Variants in RELCH observed in about 807,000 individuals in gnomAD.
The protein encoded by RELCH is RAB11 binding and LisH domain, coiled-coil and HEAT repeat containing.
RELCH carries 41 observed loss-of-function variants against 150.3 expected under a neutral mutation model. That is an observed-to-expected ratio of 0.27 (90% confidence interval 0.21 to 0.35). The LOEUF (loss-of-function observed/expected upper bound fraction) is 0.35, where lower values mean the gene tolerates loss of function less well. RELCH is among the 10% of genes least tolerant of loss of function. The pLI is 1.00. For synonymous variants in RELCH, 478 were observed against 531.8 expected (o/e 0.90, Z 1.39); for missense variants, 1,092 against 1,467.8 (o/e 0.74, Z 4.18).
chr18:62,264,105 A>G lies in RELCH; in HGVS notation c.2467A>G (p.Thr823Ala). The G allele has an allele frequency of 6.2e-7, 1 of 1,603,908 alleles. No homozygotes were observed. The highest frequency in any genetic ancestry group is 1.7e-5 in the Admixed American group (1 of 57,754). ...LYDYQLEQEG[T>A]TGWESLLWVV... Reference sequence around the variant, plus strand: ...TGACTACCAGCTAGAACAAGAGGGTACAACAGGCTGGGAGAGTTTACTGTG... The same window carrying G: ...TGACTACCAGCTAGAACAAGAGGGTGCAACAGGCTGGGAGAGTTTACTGTG... Residue 823 changes from threonine (T) to alanine (A), a missense_variant, in exon 17 of 29, where the codon ACA becomes GCA. Physicochemically the swap from Thr to Ala is moderately conservative, Grantham distance 58 (BLOSUM62 0). Around this residue, in one of 4 missense-constraint regions of RELCH, gnomAD observed 707 missense variants for 1,025.4 expected, o/e 0.69. Transcript: ENST00000644646.
At chr18:62,284,754 C>T (rs1199071234) in intron 25 of RELCH, among the ~76,000 whole-genome samples, 1 of 151,998 alleles carries the variant, frequency 6.6e-6, no homozygotes, top group Non-Finnish European at 1.5e-5. Flanking sequence ...GGTATTTGCC[C>T]CTCTATTTCT....
intron 2 of RELCH, among the ~76,000 whole-genome samples, chr18:62,216,978 G>A (rs1472250416): frequency 6.6e-6 from 1 of 151,820 alleles, no homozygotes; most frequent in Non-Finnish European, 1.5e-5. Flanking sequence ...AATAGGATAG[G>A]TGCTCCAACA....
intron 5 of RELCH, among the ~76,000 whole-genome samples, chr18:62,222,885 C>G (rs980849551): frequency 6.6e-6 from 1 of 150,806 alleles, no homozygotes; most frequent in African/African-American, 2.4e-5. Context: ...TTCCAAATAA[C>G]GCATGAGTTA....
chr18:62,196,116 A>G (rs1402923770), intron 1 of RELCH, among the ~76,000 whole-genome samples: 1 of 152,214 alleles, frequency 6.6e-6, no homozygotes, highest in Non-Finnish European at 1.5e-5. Context: ...TTGCTTTCTT[A>G]CAAACTTTTC....
chr18:62,289,379 A>G (rs955405432), intron 26 of RELCH, among the ~76,000 whole-genome samples: 4 of 152,202 alleles, frequency 2.6e-5, no homozygotes, highest in Admixed American at 2.6e-4. Context: ...TTAGCCTACC[A>G]TCATGTTTTA....
intron 1 of RELCH, among the ~76,000 whole-genome samples, chr18:62,190,647 C>T (rs1448217024): frequency 6.6e-6 from 1 of 152,104 alleles, no homozygotes; most frequent in Non-Finnish European, 1.5e-5. Flanking sequence ...AGAATTCCTT[C>T]ATTCAATATC....
chr18:62,280,652 C>A lies in RELCH; in HGVS notation c.3057C>A (p.Val1019=). 1.2e-6 allele frequency: 2 copies of A among 1,609,452 alleles called. No homozygotes were observed. The highest frequency in any genetic ancestry group is 2.2e-5 in the South Asian group (2 of 90,910). ...ITLSSDPEIS[V]RIATIPAFGT... ...TCTGTTTTAATTCTAACAGCTCTGT[C>A]AGGATTGCCACAATTCCAGCCTTTG... The change falls in exon 24 of 29, where the codon GTC becomes GTA. Residue 1019 remains valine, a synonymous_variant. Transcript: ENST00000644646.
intron 2 of RELCH, among the ~76,000 whole-genome samples, chr18:62,220,339 GA>G (rs1229586993): frequency 2.0e-5 from 3 of 147,072 alleles, no homozygotes; most frequent in African/African-American, 7.5e-5. Flanking sequence ...GGCTCTAAAT[GA>G]AAAATAAAAC....
intron 21 of RELCH, among the ~76,000 whole-genome samples, chr18:62,274,524 C>T (rs2044086171): frequency 6.6e-6 from 1 of 152,208 alleles, no homozygotes; most frequent in Admixed American, 6.5e-5. Flanking sequence ...TGAAAACACA[C>T]TCATGCATTT....
chr18:62,199,376 A>AT (rs2039271739), intron 1 of RELCH, among the ~76,000 whole-genome samples: 2 of 152,124 alleles, frequency 1.3e-5, no homozygotes, highest in Admixed American at 1.3e-4. Context: ...AGCTGACTAG[A>AT]TTTTTTAAAA....
intron 20 of RELCH, 140 bp downstream of exon 20, chr18:62,269,088 T>C: frequency 2.3e-6 from 1 of 428,494 alleles, no homozygotes; most frequent in Non-Finnish European, 4.2e-6. Flanking sequence ...TAATTTATAA[T>C]GGATAGCATA....
intron 10 of RELCH, among the ~76,000 whole-genome samples, chr18:62,234,175 G>A (rs2041750147): frequency 6.6e-6 from 1 of 151,858 alleles, no homozygotes; most frequent in South Asian, 2.1e-4. Flanking sequence ...GGGCATAACA[G>A]AACAAAACAT....
chr18:62,208,804 C>G (rs1409157155), intron 1 of RELCH, among the ~76,000 whole-genome samples: 1 of 152,152 alleles, frequency 6.6e-6, no homozygotes, highest in Non-Finnish European at 1.5e-5. Context: ...ATAATGGCCT[C>G]CAGCTGTTCC....
At chr18:62,214,268 G>A (rs1025370538) in intron 2 of RELCH, among the ~76,000 whole-genome samples, 1 of 152,124 alleles carries the variant, frequency 6.6e-6, no homozygotes, top group Non-Finnish European at 1.5e-5. Flanking sequence ...TGAACCAAAT[G>A]TGTGTGTAGA....
chr18:62,275,353 GTTTT>G lies in RELCH; in HGVS notation c.2868-11_2868-8del. 6.4e-6 allele frequency: 7 copies of G among 1,093,584 alleles called. No individual in the cohort carries two copies. Among genetic ancestry groups the G allele is most frequent in the South Asian group, 1.7e-5 (1 of 60,598 alleles). The allele number at this position is 1,093,584 out of a possible 1,614,324, so 67.7% of individuals were successfully genotyped here. A position where few individuals can be genotyped will look rare whatever the true frequency, so the allele number is the denominator to read the frequency against. On this transcript the variant is annotated splice_polypyrimidine_tract_variant and intron_variant, in intron 21 of 28. Transcript: ENST00000644646. ...GACTGTGGCTCTCAATTTTAACACT[GTTTT>G]TTTTTTTTTCTTCTAGTGCAAACCC...
chr18:62,255,487 G>A lies in RELCH; in HGVS notation c.1896+9G>A. 1 of 1,562,586 alleles carries A rather than the reference G, an allele frequency of 6.4e-7. No homozygotes were observed. Among genetic ancestry groups the A allele is most frequent in the Non-Finnish European group, 8.7e-7 (1 of 1,155,436 alleles). ...TGGCACCTTACCTTCCTGTAAGATT[G>A]TCTTTTTTTTTTTCTTTAAACTATT... On this transcript the variant is annotated intron_variant, in intron 13 of 28. Transcript: ENST00000644646.
chr18:62,287,993 T>G (rs1208892873), intron 26 of RELCH, among the ~76,000 whole-genome samples: 1 of 152,132 alleles, frequency 6.6e-6, no homozygotes, highest in Non-Finnish European at 1.5e-5. Context: ...TCCATGTCAG[T>G]GACTGTAAAT....
intron 28 of RELCH, among the ~76,000 whole-genome samples, chr18:62,304,300 AGGAAAGAGAACCCACTGT>A (rs2045790991): frequency 1.3e-5 from 2 of 152,224 alleles, no homozygotes; most frequent in Admixed American, 6.5e-5. Context: ...GAGAAGCAGC[AGGAAAGAGAACCCACTGT>A]TGTACTGTCA....
At chr18:62,221,157 A>C in intron 3 of RELCH, 49 bp downstream of exon 3, 1 of 1,595,146 alleles carries the variant, frequency 6.3e-7, no homozygotes, top group Non-Finnish European at 8.6e-7. Flanking sequence ...GACAATGTAG[A>C]AGTAGCTGAG....
Sources: allele counts gnomAD v4.1 joint callset (sites outside exome capture counted in the v4.1 genomes callset), GRCh38; gene constraint gnomAD v4.1.1; regional missense constraint gnomAD v4.1.1; transcripts MANE v1.5; gene names NCBI Gene and HGNC (gene_info 2026-07-23, HGNC 2026-07-21).